TGS1: variants seen among roughly 807,000 people sequenced by gnomAD.
TGS1 encodes the protein trimethylguanosine synthase 1, also known as trimethylguanosine synthase.
Under a neutral mutation model 92.2 loss-of-function variants are expected in TGS1, and 69 were observed. That is an observed-to-expected ratio of 0.75 (90% CI 0.62 to 0.91). TGS1 has a LOEUF of 0.91. Ranked by LOEUF, TGS1 falls within the 40% of genes least tolerant of loss-of-function variation. The pLI is 0.00. For synonymous variants in TGS1, 345 were observed against 338.1 expected (o/e 1.02, Z -0.22); for missense variants, 1,062 against 1,001.2 (o/e 1.06, Z -0.82).
intron 12 of TGS1, among the ~76,000 whole-genome samples, chr8:55,816,864 A>C (rs6988776): frequency 6.8e-6 from 1 of 147,278 alleles, no homozygotes; most frequent in African/African-American, 2.5e-5. Context: ...TATTTTATTT[A>C]TTTTTTTTTT....
chr8:55,822,476 A>C (rs936251056), intron 12 of TGS1, among the ~76,000 whole-genome samples: 1 of 152,274 alleles, frequency 6.6e-6, no homozygotes, highest in East Asian at 1.9e-4. Context: ...GTTATATCTC[A>C]ACTCAAAGAA....
intron 6 of TGS1, among the ~76,000 whole-genome samples, chr8:55,794,856 C>A (rs1239891667): frequency 1.3e-5 from 2 of 152,122 alleles, no homozygotes; most frequent in African/African-American, 2.4e-5. Flanking sequence ...GATTTCAGGT[C>A]CTACTTATCT....
intron 6 of TGS1, among the ~76,000 whole-genome samples, chr8:55,795,388 A>G (rs2130165721): frequency 6.6e-6 from 1 of 152,334 alleles, no homozygotes; most frequent in East Asian, 1.9e-4. Flanking sequence ...AGTGTACGTG[A>G]CACTCTTAAG....
At chr8:55,785,406 T>G (rs756012316) in intron 2 of TGS1, among the ~76,000 whole-genome samples, 9 of 151,992 alleles carry the variant, frequency 5.9e-5, no homozygotes, top group Non-Finnish European at 1.0e-4. Flanking sequence ...CTTTAAAAAT[T>G]GTAACTTTGC....
At position 55,825,874 on chromosome 8, in the gene TGS1, CTT is replaced by C. The variant is rs566818508; in HGVS notation, c.*1184_*1185del. On this transcript the variant is annotated 3_prime_UTR_variant, in exon 13 of 13. Coordinates refer to ENST00000260129, the MANE Select transcript of TGS1 (RefSeq NM_024831.8). ...TGGTTTTTAAACTTTATGTAGCATTCTTTTTTTTTTTTTTAGACAGAGTCTTG... is the reference window on the plus strand; with the variant it reads ...TGGTTTTTAAACTTTATGTAGCATTCTTTTTTTTTTTTAGACAGAGTCTTG... 9.1e-5 allele frequency among the ~76,000 whole-genome samples: 13 copies of C among 142,520 alleles called. No homozygotes were observed. The highest frequency in any genetic ancestry group is 9.3e-5 in the Non-Finnish European group (6 of 64,734). 93.5% of individuals were successfully genotyped at this position (142,520 alleles called of 152,430 possible). A position where few individuals can be genotyped will look rare whatever the true frequency, so the allele number is the denominator to read the frequency against.
intron 12 of TGS1, among the ~76,000 whole-genome samples, chr8:55,815,934 ATTTATTTATTTAT>A (rs969310056): frequency 1.1e-4 from 16 of 147,640 alleles, no homozygotes; most frequent in Non-Finnish European, 1.6e-4. Context: ...TTATTTATTT[ATTTATTTATTTAT>A]TTTATTTATT....
chr8:55,802,420 C>T, intron 8 of TGS1, 37 bp from the exon 9 acceptor site: 1 of 1,561,916 alleles, frequency 6.4e-7, no homozygotes, highest in Admixed American at 1.8e-5. Context: ...TAATTTTTTT[C>T]TTAGTGAGCA....
rs1811718454 is a variant in TGS1 at position 55,786,557 on chromosome 8, G to T, written c.659G>T (p.Gly220Val). The T allele has an allele frequency of 6.8e-6, 11 of 1,614,042 alleles. No homozygotes were observed. Among genetic ancestry groups the T allele is most frequent in the Non-Finnish European group, 9.3e-6 (11 of 1,180,038 alleles). Residue 220 changes from glycine to valine, a missense_variant, in exon 4 of 13, where the codon GGT becomes GTT. Gly to Val is a moderately radical substitution (Grantham distance 109). Transcript: ENST00000260129. ...CAAAGTTGGCAAGAAAAACATCCGG[G>T]TCAAGCACTATCTTCTGAACCTTGG... ...LWQSWQEKHPGQALSSEPWNF... is the reference protein window; with the variant it reads ...LWQSWQEKHPVQALSSEPWNF...
At chr8:55,819,237 G>T (rs1281853242) in intron 12 of TGS1, among the ~76,000 whole-genome samples, 5 of 150,404 alleles carry the variant, frequency 3.3e-5, no homozygotes, top group African/African-American at 1.2e-4. Context: ...TGCCCGGCCT[G>T]GTAGCCTCCT....
At chr8:55,819,853 T>C (rs995440850) in intron 12 of TGS1, among the ~76,000 whole-genome samples, 43 of 152,234 alleles carry the variant, frequency 2.8e-4, no homozygotes, top group African/African-American at 1.0e-3. Context: ...CATGTGGTTA[T>C]TAGTTGGATC....
At chr8:55,785,063 T>G (rs1472852083) in intron 2 of TGS1, among the ~76,000 whole-genome samples, 1 of 147,802 alleles carries the variant, frequency 6.8e-6, no homozygotes, top group African/African-American at 2.7e-5. Context: ...TTTTTGTTTT[T>G]TGTTTTTTGT....
intron 6 of TGS1, among the ~76,000 whole-genome samples, chr8:55,793,192 A>G (rs985646606): frequency 6.6e-6 from 1 of 152,260 alleles, no homozygotes; most frequent in African/African-American, 2.4e-5. Flanking sequence ...CTATTATGAA[A>G]GAGTAAAATT....
chr8:55,813,185 A>G, intron 12 of TGS1, 67 bp downstream of exon 12: 3 of 1,128,124 alleles, frequency 2.7e-6, no homozygotes, highest in East Asian at 2.4e-5. Flanking sequence ...TAAAAGATAC[A>G]GGACATATCC....
rs1563453740 is a variant in TGS1 at position 55,787,023 on chromosome 8, C to T, written c.1125C>T (p.Asn375=). ...ATGGAGGAACCAATGAGGAAAGCAA[C>T]TCATCGGGGAATACAAACACAGACC... ...PRNGGTNEES[N]SSGNTNTDPP... Residue 375 remains asparagine, a synonymous_variant, in exon 4 of 13, where the codon AAC becomes AAT. Transcript: ENST00000260129. The T allele has an allele frequency of 6.2e-7, 1 of 1,613,858 alleles. No homozygotes were observed. Among genetic ancestry groups the T allele is most frequent in the South Asian group, 1.1e-5 (1 of 91,026 alleles).
intron 2 of TGS1, among the ~76,000 whole-genome samples, chr8:55,784,369 T>TGAGA (rs974511273): frequency 2.6e-5 from 4 of 151,880 alleles, no homozygotes; most frequent in Non-Finnish European, 5.9e-5. Context: ...TTTCTCTTTT[T>TGAGA]GAGAGAGAGA....
At chr8:55,821,422 A>G (rs1803630320) in intron 12 of TGS1, among the ~76,000 whole-genome samples, 2 of 152,126 alleles carry the variant, frequency 1.3e-5, no homozygotes, top group Admixed American at 1.3e-4. Flanking sequence ...TTCAGAACTC[A>G]TGATTTCTGA....
rs140051974 is a variant in TGS1 at position 55,786,283 on chromosome 8, C to T, written c.385C>T (p.His129Tyr). ...RNKVKIKKKK[H>Y]QKKYLDEIVQ... ...TAAAGTTAAAATAAAAAAGAAAAAA[C>T]ATCAAAAGAAATACTTAGATGAAAT... Residue 129 changes from histidine (H) to tyrosine (Y), a missense_variant, in exon 4 of 13, where the codon CAT (histidine) becomes TAT (tyrosine). Physicochemically the swap from His to Tyr is moderately conservative, Grantham distance 83 (BLOSUM62 2). Coordinates refer to ENST00000260129, the MANE Select transcript of TGS1 (RefSeq NM_024831.8). The T allele has an allele frequency of 3.9e-6, 6 of 1,533,080 alleles. No homozygotes were observed. The highest frequency in any genetic ancestry group is 5.3e-6 in the Non-Finnish European group (6 of 1,132,438). 95.0% of individuals were successfully genotyped at this position (1,533,080 alleles called of 1,614,324 possible). A position where few individuals can be genotyped will look rare whatever the true frequency, so the allele number is the denominator to read the frequency against.
Position 55,786,504 on chromosome 8 carries a change from G to T in TGS1, c.606G>T (p.Trp202Cys). 1 of 1,614,148 alleles carries T rather than the reference G, an allele frequency of 6.2e-7. No homozygotes were observed. Among genetic ancestry groups the T allele is most frequent in the Non-Finnish European group, 8.5e-7 (1 of 1,180,022 alleles). ...TTACAGAGAAATGGGAAAAGTATTG[G>T]AATGAATATGGAGGAGGACTATTGT... Reference protein sequence around the residue: ...LEITEKWEKYWNEYGGGLLWQ... With the variant: ...LEITEKWEKYCNEYGGGLLWQ... The change falls in exon 4 of 13, where the codon TGG becomes TGT. Residue 202 changes from tryptophan to cysteine, a missense_variant. Transcript: ENST00000260129.
chr8:55,798,679 T>C (rs545642635), intron 7 of TGS1, among the ~76,000 whole-genome samples: 6 of 152,320 alleles, frequency 3.9e-5, no homozygotes, highest in African/African-American at 1.4e-4. Flanking sequence ...GCAGGAAGTA[T>C]TTAATCTGAT....
Sources: allele counts gnomAD v4.1 joint callset (sites outside exome capture counted in the v4.1 genomes callset), GRCh38; gene constraint gnomAD v4.1.1; transcripts MANE v1.5; gene names NCBI Gene and HGNC (gene_info 2026-07-23, HGNC 2026-07-21).